NYAP2: variants seen among roughly 807,000 people sequenced by gnomAD.
The protein encoded by NYAP2 is neuronal tyrosine-phosphorylated phosphoinositide-3-kinase adaptor 2.
NYAP2 carries 23 observed loss-of-function variants against 50.4 expected under a neutral mutation model. That is an observed-to-expected ratio of 0.46 (90% CI 0.33 to 0.65). The LOEUF is 0.65. Ranked by LOEUF, NYAP2 falls within the 30% of genes least tolerant of loss-of-function variation. NYAP2 has a pLI of 0.02. For synonymous variants in NYAP2, 394 were observed against 365.2 expected (o/e 1.08, Z -0.90); for missense variants, 885 against 861.0 (o/e 1.03, Z -0.35).
At chr2:225,611,662 G>T (rs1692887161) in intron 5 of NYAP2, among the ~76,000 whole-genome samples, 2 of 151,600 alleles carry the variant, frequency 1.3e-5, no homozygotes. Context: ...GCTCTTATCA[G>T]AGCTCTAATT....
intron 3 of NYAP2, among the ~76,000 whole-genome samples, chr2:225,422,575 G>A (rs73099732): frequency 0.011 from 1,721 of 152,148 alleles, 35 homozygotes; most frequent in African/African-American, 0.04. Flanking sequence ...AGGCAAGGAC[G>A]CTGTGAACCG....
intron 3 of NYAP2, among the ~76,000 whole-genome samples, chr2:225,419,657 G>A (rs1031347974): frequency 6.6e-6 from 1 of 152,136 alleles, no homozygotes; most frequent in Non-Finnish European, 1.5e-5. Context: ...AACTAGCGGG[G>A]TAGTCAACAT....
chr2:225,672,295 C>G, the NYAP2 span, among the ~76,000 whole-genome samples: 1 of 152,126 alleles, frequency 6.6e-6, no homozygotes, highest in Non-Finnish European at 1.5e-5. Context: ...TCACCTTACA[C>G]TTTTATGTTA....
At chr2:225,547,464 T>C (rs980933345) in intron 4 of NYAP2, among the ~76,000 whole-genome samples, 2 of 152,228 alleles carry the variant, frequency 1.3e-5, no homozygotes, top group African/African-American at 4.8e-5. Flanking sequence ...TAGTCTGTAA[T>C]GGTGAGGCTT....
intron 4 of NYAP2, among the ~76,000 whole-genome samples, chr2:225,577,951 T>C (rs116799303): frequency 0.037 from 5,643 of 152,118 alleles, 328 homozygotes; most frequent in African/African-American, 0.13. Flanking sequence ...TATTATATTT[T>C]GAGACAGTCT....
At chr2:225,671,798 A>G in the NYAP2 span, among the ~76,000 whole-genome samples, 2 of 152,148 alleles carry the variant, frequency 1.3e-5, no homozygotes, top group East Asian at 3.9e-4. Flanking sequence ...TTTAGAATGA[A>G]TGTTATCTTA....
intron 3 of NYAP2, among the ~76,000 whole-genome samples, chr2:225,461,422 A>T (rs189449629): frequency 6.3e-4 from 96 of 152,364 alleles, no homozygotes; most frequent in African/African-American, 2.1e-3. Flanking sequence ...AAACTGCCTA[A>T]TATTGCCAAA....
intron 3 of NYAP2, among the ~76,000 whole-genome samples, chr2:225,472,217 A>C (rs1306021151): frequency 2.0e-5 from 3 of 152,164 alleles, no homozygotes; most frequent in Non-Finnish European, 4.4e-5. Context: ...ACTAAAATAC[A>C]TCACCTTTGA....
At chr2:225,402,900 G>A (rs1368586487) in intron 2 of NYAP2, among the ~76,000 whole-genome samples, 1 of 151,994 alleles carries the variant, frequency 6.6e-6, no homozygotes, top group Non-Finnish European at 1.5e-5. Flanking sequence ...TGGTTTACAT[G>A]TGTTATGGGT....
chr2:225,600,495 A>G (rs1296070899), intron 5 of NYAP2, among the ~76,000 whole-genome samples: 1 of 152,182 alleles, frequency 6.6e-6, no homozygotes, highest in Admixed American at 6.5e-5. Flanking sequence ...GGCTGTTATC[A>G]TCTTTGTTTT....
chr2:225,625,543 A>T (rs149479599), intron 5 of NYAP2, among the ~76,000 whole-genome samples: 198 of 152,248 alleles, frequency 1.3e-3, no homozygotes, highest in African/African-American at 4.6e-3. Context: ...TTACCAGGAG[A>T]GAGTAGAGTT....
chr2:225,422,217 C>T (rs985956753), intron 3 of NYAP2, among the ~76,000 whole-genome samples: 3 of 152,104 alleles, frequency 2.0e-5, no homozygotes, highest in East Asian at 1.9e-4. Flanking sequence ...AAAGAGAGAT[C>T]GGGAAGGGGG....
intron 2 of NYAP2, among the ~76,000 whole-genome samples, chr2:225,402,944 G>A (rs545470688): frequency 6.6e-6 from 1 of 152,120 alleles, no homozygotes; most frequent in South Asian, 2.1e-4. Context: ...TTGGTCCTAT[G>A]TGAAGTCAGC....
chr2:225,542,651 G>A (rs1425547269), intron 4 of NYAP2, among the ~76,000 whole-genome samples: 1 of 152,066 alleles, frequency 6.6e-6, no homozygotes, highest in Non-Finnish European at 1.5e-5. Flanking sequence ...TCTTTTTAAT[G>A]TGTTGTTCAA....
At chr2:225,477,825 T>C (rs1690143633) in intron 3 of NYAP2, among the ~76,000 whole-genome samples, 1 of 152,010 alleles carries the variant, frequency 6.6e-6, no homozygotes, top group Admixed American at 6.6e-5. Context: ...CTCCATGTAC[T>C]CAAACAAAAT....
intron 3 of NYAP2, among the ~76,000 whole-genome samples, chr2:225,498,952 G>A (rs535332916): frequency 3.3e-5 from 5 of 152,234 alleles, no homozygotes; most frequent in Non-Finnish European, 5.9e-5. Context: ...TTGAGAGGGC[G>A]AATAGATGTC....
At chr2:225,425,032 C>T (rs941038942) in intron 3 of NYAP2, among the ~76,000 whole-genome samples, 1 of 152,036 alleles carries the variant, frequency 6.6e-6, no homozygotes, top group African/African-American at 2.4e-5. Flanking sequence ...AGAAGCCAAC[C>T]TTTTGGCAAC....
At chr2:225,700,368 A>C in the NYAP2 span, 2 of 151,698 alleles carry the variant, frequency 1.3e-5, no homozygotes, top group Non-Finnish European at 2.9e-5. Flanking sequence ...TGTATACATA[A>C]AACGCTTACT....
At chr2:225,585,782 A>G (rs889415932) in intron 5 of NYAP2, among the ~76,000 whole-genome samples, 5 of 152,226 alleles carry the variant, frequency 3.3e-5, no homozygotes, top group African/African-American at 1.2e-4. Flanking sequence ...GTTGCTCACA[A>G]AATCAAAAGG....
Sources: gnomAD v4.1 joint callset for allele counts (sites outside exome capture counted in the v4.1 genomes callset) on GRCh38, gnomAD v4.1.1 for gene constraint, MANE v1.5 for transcripts, NCBI Gene and HGNC (gene_info 2026-07-23, HGNC 2026-07-21) for gene names.